Variants in VPS13B observed in about 807,000 individuals in gnomAD.
VPS13B encodes the protein intermembrane lipid transfer protein VPS13B.
A neutral mutation model predicts 426.4 loss-of-function variants in VPS13B; 285 were observed. The ratio of observed to expected loss-of-function variants is 0.67; its 90% CI spans 0.61 to 0.74. The LOEUF (loss-of-function observed/expected upper bound fraction) is 0.74, where lower values mean the gene tolerates loss of function less well. VPS13B is among the 30% of genes least tolerant of loss of function. The probability of loss-of-function intolerance (pLI) is 0.00; values close to 1 mark genes in which losing one functional copy is unlikely to be tolerated. For synonymous variants in VPS13B, 1,676 were observed against 1,676.4 expected, an observed-to-expected ratio of 1.00 and a Z score of 0.01; for missense variants, 4,537 against 4,782.6, an observed-to-expected ratio of 0.95 and a Z score of 1.51.
intron 33 of VPS13B, among the ~76,000 whole-genome samples, chr8:99,579,724 A>G (rs1825959855): frequency 7.0e-6 from 1 of 142,904 alleles, no homozygotes; most frequent in Non-Finnish European, 1.5e-5. Flanking sequence ...TTTTTTTTTT[A>G]ACACGGAGTC....
intron 19 of VPS13B, among the ~76,000 whole-genome samples, chr8:99,371,975 A>G (rs748737451): frequency 6.6e-5 from 10 of 152,182 alleles, no homozygotes; most frequent in South Asian, 2.1e-4. Context: ...CTTCATGACT[A>G]AAACACCAAA....
At chr8:99,719,532 A>C (rs1273163751) in intron 37 of VPS13B, among the ~76,000 whole-genome samples, 1 of 152,184 alleles carries the variant, frequency 6.6e-6, no homozygotes, top group Non-Finnish European at 1.5e-5. Flanking sequence ...TTCTACTACT[A>C]TATATTCTTT....
intron 33 of VPS13B, among the ~76,000 whole-genome samples, chr8:99,590,073 T>C (rs1412560689): frequency 6.6e-6 from 1 of 152,194 alleles, no homozygotes; most frequent in African/African-American, 2.4e-5. Context: ...TGGAAGAGTG[T>C]ATAAGTCCAG....
At chr8:99,170,873 AT>A (rs1812293307) in intron 16 of VPS13B, among the ~76,000 whole-genome samples, 2 of 151,782 alleles carry the variant, frequency 1.3e-5, no homozygotes, top group Admixed American at 1.3e-4. Context: ...TGTCTTTTGT[AT>A]TCTCATTCTA....
At chr8:99,737,068 A>G (rs555921391) in intron 39 of VPS13B, among the ~76,000 whole-genome samples, 14 of 124,990 alleles carry the variant, frequency 1.1e-4, no homozygotes, top group Non-Finnish European at 2.2e-4. Flanking sequence ...GTCCTATTGA[A>G]TTTGAAGTGT....
chr8:99,272,411 A>C (rs143007257), intron 17 of VPS13B, among the ~76,000 whole-genome samples: 92 of 152,304 alleles, frequency 6.0e-4, no homozygotes, highest in Non-Finnish European at 1.1e-3. Flanking sequence ...AAGTGAAGAT[A>C]ATAATAATAT....
intron 20 of VPS13B, 118 bp downstream of exon 20, chr8:99,384,435 TCCCCACCTTAC>T (rs1588315979): frequency 1.2e-6 from 1 of 832,826 alleles, no homozygotes; most frequent in African/African-American, 1.7e-5. Context: ...TTCCTTTGTC[TCCCCACCTTAC>T]CCCTTTCAAA....
At chr8:99,297,279 C>T (rs986208105) in intron 19 of VPS13B, among the ~76,000 whole-genome samples, 1 of 151,984 alleles carries the variant, frequency 6.6e-6, no homozygotes, top group East Asian at 1.9e-4. Flanking sequence ...TTTTGAGATG[C>T]GCATAGGAGC....
At chr8:99,760,485 C>T (rs1810871621) in intron 39 of VPS13B, among the ~76,000 whole-genome samples, 1 of 151,820 alleles carries the variant, frequency 6.6e-6, no homozygotes, top group South Asian at 2.1e-4. Flanking sequence ...TGCCCAAGGT[C>T]ATAGAGCAGT....
intron 33 of VPS13B, among the ~76,000 whole-genome samples, chr8:99,598,067 G>A (rs1343850090): frequency 6.6e-6 from 1 of 152,056 alleles, no homozygotes; most frequent in Non-Finnish European, 1.5e-5. Context: ...GAGACAGATA[G>A]GTTAAGTACA....
At chr8:99,646,870 G>A (rs531232531) in intron 34 of VPS13B, among the ~76,000 whole-genome samples, 4 of 152,112 alleles carry the variant, frequency 2.6e-5, no homozygotes, top group Non-Finnish European at 4.4e-5. Context: ...GCTTTCTGCC[G>A]TGATCATAGC....
At chr8:99,425,738 A>T (rs546558441) in intron 21 of VPS13B, among the ~76,000 whole-genome samples, 45 of 152,282 alleles carry the variant, frequency 3.0e-4, no homozygotes, top group African/African-American at 1.1e-3. Context: ...AGGGTATTCA[A>T]TTAGGAAAAG....
intron 21 of VPS13B, among the ~76,000 whole-genome samples, chr8:99,407,666 AT>A (rs1336116708): frequency 4.0e-5 from 6 of 149,664 alleles, no homozygotes; most frequent in Non-Finnish European, 7.4e-5. Context: ...TAATTAGTTT[AT>A]TTTTTTATTT....
At chr8:99,478,240 G>A (rs1238787904) in intron 24 of VPS13B, among the ~76,000 whole-genome samples, 1 of 151,616 alleles carries the variant, frequency 6.6e-6, no homozygotes, top group African/African-American at 2.4e-5. Context: ...GTTTATATAT[G>A]TGGAACTGAG....
Position 99,700,752 on chromosome 8 carries a change from T to G in VPS13B, c.6454+820T>G, listed in dbSNP as rs536887247. 4.6e-5 allele frequency among the ~76,000 whole-genome samples: 7 copies of G among 152,170 alleles called. No individual in the cohort carries two copies. The South Asian group carries it at 1.2e-3, about 27-fold the overall frequency. On this transcript the variant is annotated intron_variant, in intron 36 of 61. Coordinates refer to ENST00000357162, the MANE Select transcript of VPS13B (RefSeq NM_152564.5). ...ATGGGAAGTGTGGGCAGAAGGATTG[T>G]GAGGAGGGGAAGAGGAAAGGCAAGA...
At chr8:99,507,116 A>G in intron 27 of VPS13B, 21 bp from the exon 28 acceptor site, 1 of 1,613,794 alleles carries the variant, frequency 6.2e-7, no homozygotes, top group East Asian at 2.2e-5. Context: ...AGAACAGATA[A>G]GGTGAACTTA....
At chr8:99,168,549 T>C (rs554073458) in intron 15 of VPS13B, among the ~76,000 whole-genome samples, 8 of 152,238 alleles carry the variant, frequency 5.3e-5, no homozygotes, top group African/African-American at 1.9e-4. Context: ...TAATAATAAC[T>C]GTAAATTCCA....
At chr8:99,576,276 A>G (rs1020941949) in intron 32 of VPS13B, among the ~76,000 whole-genome samples, 2 of 152,186 alleles carry the variant, frequency 1.3e-5, no homozygotes, top group Non-Finnish European at 2.9e-5. Context: ...CTACTAGTAT[A>G]AGATCAATTA....
chr8:99,874,228 A>G (rs535857256), intron 61 of VPS13B, among the ~76,000 whole-genome samples: 11 of 152,214 alleles, frequency 7.2e-5, no homozygotes, highest in African/African-American at 2.6e-4. Flanking sequence ...AGCAATTAAA[A>G]CTTTTTGTGT....
Sources: gnomAD v4.1 joint callset for allele counts (sites outside exome capture counted in the v4.1 genomes callset) on GRCh38, gnomAD v4.1.1 for gene constraint, MANE v1.5 for transcripts, NCBI Gene and HGNC (gene_info 2026-07-23, HGNC 2026-07-21) for gene names.